Variants in ABCA1 observed in about 807,000 individuals in gnomAD.
ABCA1 encodes the protein ATP binding cassette subfamily A member 1.
In ABCA1, 133 loss-of-function variants were observed where a neutral mutation model predicts 262.5. The ratio of observed to expected loss-of-function variants is 0.51; its 90% CI spans 0.44 to 0.59. The LOEUF is 0.59. Among genes scored for constraint, ABCA1 ranks in the 20% least tolerant of loss-of-function variants. The pLI is 0.00. For missense variants in ABCA1, 2,452 were observed against 2,777.5 expected (o/e 0.88, Z 2.63); for synonymous variants, 1,022 against 1,043.5 (o/e 0.98, Z 0.40).
At chr9:104,888,043 AAATG>A (rs1839343005) in intron 3 of ABCA1, among the ~76,000 whole-genome samples, 1 of 147,368 alleles carries the variant, frequency 6.8e-6, no homozygotes, top group Non-Finnish European at 1.5e-5. Context: ...ACGTCTCAGA[AAATG>A]TTTCTTGAGG....
At chr9:104,792,046 C>T in intron 42 of ABCA1, 48 bp from the exon 43 acceptor site, 2 of 1,552,088 alleles carry the variant, frequency 1.3e-6, no homozygotes, top group Non-Finnish European at 1.8e-6. Flanking sequence ...TGACTCACAG[C>T]TCTCCCAAGC....
At chr9:104,904,427 G>T (rs1840932847) in intron 1 of ABCA1, among the ~76,000 whole-genome samples, 1 of 152,046 alleles carries the variant, frequency 6.6e-6, no homozygotes, top group Admixed American at 6.6e-5. Context: ...AATTAGCTGG[G>T]CATGGTGGCA....
chr9:104,835,902 C>A (rs1414759248), intron 11 of ABCA1, among the ~76,000 whole-genome samples: 1 of 152,174 alleles, frequency 6.6e-6, no homozygotes, highest in Admixed American at 6.5e-5. Flanking sequence ...CTTCACAGGG[C>A]CTCCTATAAT....
chr9:104,917,832 G>C (rs79639423), intron 1 of ABCA1, among the ~76,000 whole-genome samples: 17,088 of 152,066 alleles, frequency 0.11, 1,189 homozygotes, highest in African/African-American at 0.2. Context: ...TTTCAACAAA[G>C]TAAGAGAAGT....
intron 2 of ABCA1, among the ~76,000 whole-genome samples, chr9:104,893,787 A>G (rs1348260050): frequency 6.6e-6 from 1 of 152,162 alleles, no homozygotes; most frequent in Non-Finnish European, 1.5e-5. Flanking sequence ...AGGCCACATG[A>G]CATTCTATTT....
chr9:104,866,472 C>A (rs760113366), intron 5 of ABCA1, among the ~76,000 whole-genome samples: 15 of 151,702 alleles, frequency 9.9e-5, no homozygotes, highest in Non-Finnish European at 2.1e-4. Flanking sequence ...AGGTGGCCAG[C>A]CCTTTTTTGT....
Position 104,817,750 on chromosome 9 carries a change from G to A in ABCA1, c.3463-346C>T, listed in dbSNP as rs967680526. Among the ~76,000 whole-genome samples the A allele has an allele frequency of 6.6e-6, 1 of 152,180 alleles. No individual in the cohort carries two copies. Among genetic ancestry groups the A allele is most frequent in the Non-Finnish European group, 1.5e-5 (1 of 68,036 alleles). Reference sequence around the variant, plus strand: ...CAATGCTTCTCATGCTTTAATGTGTGTTCAACCACTCAAGAACCTTGTTAA... The same window carrying A: ...CAATGCTTCTCATGCTTTAATGTGTATTCAACCACTCAAGAACCTTGTTAA... On this transcript the variant is annotated intron_variant, in intron 23 of 49. Coordinates refer to ENST00000374736, the MANE Select transcript of ABCA1 (RefSeq NM_005502.4). The surrounding 1 kb of genome is among the most constrained non-coding windows in gnomAD (Gnocchi z 4.7).
At chr9:104,836,510 G>A (rs1023949841) in intron 11 of ABCA1, among the ~76,000 whole-genome samples, 10 of 152,170 alleles carry the variant, frequency 6.6e-5, no homozygotes, top group African/African-American at 2.2e-4. Context: ...GAAGCACTAA[G>A]TGCATTTCCC....
chr9:104,896,583 A>G (rs1840218918), intron 2 of ABCA1, among the ~76,000 whole-genome samples: 1 of 152,060 alleles, frequency 6.6e-6, no homozygotes, highest in Admixed American at 6.5e-5. Flanking sequence ...TAAGTGGGGG[A>G]CAATGAGCTC....
chr9:104,864,619 G>A (rs61340780), intron 5 of ABCA1, among the ~76,000 whole-genome samples: 3,150 of 152,188 alleles, frequency 0.021, 59 homozygotes, highest in African/African-American at 0.048. Flanking sequence ...AACAGAAACA[G>A]AATACACGTA....
At position 104,798,474 on chromosome 9, in the gene ABCA1, T is replaced by C. The variant is rs745531474; in HGVS notation, c.5068A>G (p.Ile1690Val). 1.2e-6 allele frequency: 2 copies of C among 1,614,198 alleles called. No individual in the cohort carries two copies. Among genetic ancestry groups the C allele is most frequent in the East Asian group, 4.5e-5 (2 of 44,894 alleles). The change falls in exon 37 of 50, where the codon ATC becomes GTC. Residue 1690 changes from isoleucine (I) to valine (V), a missense_variant. Physicochemically the swap from Ile to Val is conservative, Grantham distance 29. This residue lies in a region of ABCA1 where 752 missense variants were observed against 944.5 expected (regional missense o/e 0.80). Transcript: ENST00000374736. ...RVSKAKHLQF[I>V]SGVKPVIYWL... ...TAGATGACAGGCTTCACTCCACTGATGAACTGCAGGTGTTTTGCTTTGCTG... is the reference window on the plus strand; with the variant it reads ...TAGATGACAGGCTTCACTCCACTGACGAACTGCAGGTGTTTTGCTTTGCTG...
rs557626075 is a variant in ABCA1, at chr9:104,882,028, T to TAAAA, written c.421+1007_421+1010dup. Among the ~76,000 whole-genome samples the TAAAA allele has an allele frequency of 9.0e-3, 664 of 73,666 alleles. 40 individuals are homozygous for TAAAA. Among genetic ancestry groups the TAAAA allele is most frequent in the Admixed American group, 0.052 (282 of 5,452 alleles). 48.3% of individuals were successfully genotyped at this position (73,666 alleles called of 152,430 possible). ...CAAGGAAAGCACAGTTCTGTAGCCT[T>TAAAA]AAAAAAAAAAAAAAAAAAAAAAAAA... On this transcript the variant is annotated intron_variant, in intron 5 of 49. Transcript: ENST00000374736.
At chr9:104,919,469 G>A (rs901238190) in intron 1 of ABCA1, among the ~76,000 whole-genome samples, 20 of 152,174 alleles carry the variant, frequency 1.3e-4, no homozygotes, top group Non-Finnish European at 2.1e-4. Flanking sequence ...AAAATTAGCC[G>A]GACATGGTGG....
chr9:104,904,144 T>C (rs978470787), intron 1 of ABCA1, among the ~76,000 whole-genome samples: 22 of 152,228 alleles, frequency 1.4e-4, no homozygotes, highest in Admixed American at 5.2e-4. Context: ...TCTAAGAAAA[T>C]GCCTCCCCTT....
chr9:104,810,168 A>ATATATATATAT (rs1831154859), intron 29 of ABCA1, among the ~76,000 whole-genome samples: 1 of 122,692 alleles, frequency 8.2e-6, no homozygotes, highest in Non-Finnish European at 1.7e-5. Flanking sequence ...ATATATATAT[A>ATATATATATAT]CTTTTTTTTT....
At chr9:104,912,762 T>C (rs1445919542) in intron 1 of ABCA1, among the ~76,000 whole-genome samples, 1 of 151,954 alleles carries the variant, frequency 6.6e-6, no homozygotes, top group African/African-American at 2.4e-5. Flanking sequence ...ATGTAGCACA[T>C]AGAAAAAAAG....
intron 42 of ABCA1, 115 bp from the exon 43 acceptor site, chr9:104,792,113 AC>A: frequency 3.2e-6 from 3 of 947,322 alleles, no homozygotes; most frequent in Middle Eastern, 2.1e-4. Flanking sequence ...CTTGTCAATA[AC>A]CCTAAGCCAT....
Position 104,927,945 on chromosome 9 carries a change from C to A in ABCA1, c.-103G>T, listed in dbSNP as rs1190529739. The A allele has an allele frequency of 6.6e-6, 1 of 152,252 alleles. No individual in the cohort carries two copies. The highest frequency in any genetic ancestry group is 1.5e-5 in the Non-Finnish European group (1 of 68,052). The allele number at this position is 152,252 out of a possible 1,614,324, so 9.4% of individuals were successfully genotyped here. On this transcript the variant is annotated 5_prime_UTR_variant, in exon 1 of 50. Coordinates refer to ENST00000374736, the MANE Select transcript of ABCA1 (RefSeq NM_005502.4). ...TGGAGAGCCTCTTACCTGTTTTCCA[C>A]TTTTGTGTTTGCGTCTCTTTCTCCT...
In ABCA1 at chr9:104,786,326, G is replaced by A. The variant is rs1828928373; in HGVS notation, c.6373C>T (p.Leu2125Phe). Reference sequence around the variant, plus strand: ...TTTTTTAGATGCTGGACACTGCCAAGGCACCTGAACCTTCCATTGACCATG... The same window carrying A: ...TTTTTTAGATGCTGGACACTGCCAAAGCACCTGAACCTTCCATTGACCATG... ...AIMVNGRFRCLGSVQHLKNRF... is the reference protein window; with the variant it reads ...AIMVNGRFRCFGSVQHLKNRF... Residue 2125 changes from leucine (L) to phenylalanine (F), a missense_variant, in exon 48 of 50, where the codon CTT (leucine) becomes TTT (phenylalanine). Physicochemically the swap from Leu to Phe is conservative, Grantham distance 22. Transcript: ENST00000374736. The A allele has an allele frequency of 6.2e-7, 1 of 1,614,106 alleles. No individual in the cohort carries two copies. Among genetic ancestry groups the A allele is most frequent in the Non-Finnish European group, 8.5e-7 (1 of 1,179,986 alleles).
Sources: gnomAD v4.1 joint callset for allele counts (sites outside exome capture counted in the v4.1 genomes callset) on GRCh38, gnomAD v4.1.1 for gene constraint, gnomAD v4.1.1 regional missense constraint, Gnocchi (gnomAD v3.1) non-coding constraint, MANE v1.5 for transcripts, NCBI Gene and HGNC (gene_info 2026-07-23, HGNC 2026-07-21) for gene names.